Variants in ZNF600 observed in about 807,000 individuals in gnomAD.
ZNF600 encodes the protein zinc finger protein KR-ZNF1.
A neutral mutation model predicts 7.3 loss-of-function variants in ZNF600; 4 were observed. The ratio of observed to expected loss-of-function variants is 0.55; its 90% confidence interval spans 0.27 to 1.25. ZNF600 has a LOEUF of 1.25. Ranked by LOEUF, ZNF600 falls within the 50% of genes most tolerant of loss-of-function variation. The pLI is 0.12. For synonymous variants in ZNF600, 290 were observed against 308.9 expected, an observed-to-expected ratio of 0.94 and a Z score of 0.64; for missense variants, 911 against 922.1, an observed-to-expected ratio of 0.99 and a Z score of 0.16.
the ZNF600 span, among the ~76,000 whole-genome samples, chr19:52,803,831 T>C: frequency 6.6e-6 from 1 of 151,904 alleles, no homozygotes. Flanking sequence ...TGGTGGAGGG[T>C]GCCTGTAATC....
At chr19:52,819,398 CT>C in the ZNF600 span, among the ~76,000 whole-genome samples, 102 of 135,646 alleles carry the variant, frequency 7.5e-4, 15 homozygotes, top group African/African-American at 2.6e-3. Flanking sequence ...CATTCTATTG[CT>C]TTTTTTTTTC....
chr19:52,799,145 T>A, the ZNF600 span: 7 of 407,850 alleles, frequency 1.7e-5, no homozygotes, highest in East Asian at 3.6e-4. Context: ...TTGCAAGGTG[T>A]GACTGTTGAT....
rs1226396025 is a variant in ZNF600, at chr19:52,765,873, T to C, written c.2090A>G (p.His697Arg). 1.9e-6 allele frequency: 3 copies of C among 1,614,052 alleles called. No homozygotes were observed. Among genetic ancestry groups the C allele is most frequent in the South Asian group, 2.2e-5 (2 of 91,076 alleles). Residue 697 changes from histidine (H) to arginine (R), a missense_variant, in exon 4 of 4, where the codon CAT becomes CGT. His to Arg is a conservative substitution (Grantham distance 29). Transcript: ENST00000648973. Reference sequence around the variant, plus strand: ...TTTCTCCCCAGCATGAATTCTATGATGAAGTGAAAGTTGTGATTGTTGATT... The same window carrying C: ...TTTCTCCCCAGCATGAATTCTATGACGAAGTGAAAGTTGTGATTGTTGATT...
chr19:52,809,030 G>A, the ZNF600 span, among the ~76,000 whole-genome samples: 1 of 152,150 alleles, frequency 6.6e-6, no homozygotes, highest in Non-Finnish European at 1.5e-5. Flanking sequence ...GTGTGCATGT[G>A]TGTGGGGATA....
chr19:52,831,465 A>G, the ZNF600 span, among the ~76,000 whole-genome samples: 2 of 151,214 alleles, frequency 1.3e-5, no homozygotes, highest in East Asian at 1.9e-4. Context: ...GCCTGCCACC[A>G]GGCCTGGCTA....
chr19:52,790,612 C>T (rs1291412144), upstream of ZNF600, among the ~76,000 whole-genome samples: 3 of 151,648 alleles, frequency 2.0e-5, no homozygotes, highest in Non-Finnish European at 4.4e-5. Context: ...TTTCAGGCTG[C>T]TGTAAACTCT....
In ZNF600 at chr19:52,778,538, C is replaced by G. The variant is rs539663358; in HGVS notation, c.63+288G>C. Among the ~76,000 whole-genome samples the G allele has an allele frequency of 9.9e-5, 15 of 152,276 alleles. No individual in the cohort carries two copies. The East Asian group carries it at 2.5e-3, about 25-fold the overall frequency. On this transcript the variant is annotated intron_variant, in intron 2 of 3. Coordinates refer to ENST00000648973, the Ensembl canonical transcript of ZNF600. The stretch of plus-strand genomic sequence containing the variant: ...CAGATGTGGCCCCTGAACAATCCAG[C>G]CTGCCCAGCAGCACTGACATCAATG...
At chr19:52,817,834 A>G in the ZNF600 span, 2 of 1,575,116 alleles carry the variant, frequency 1.3e-6, no homozygotes, top group Non-Finnish European at 1.7e-6. Context: ...GGTGAGGGTG[A>G]GCAAACATAT....
At chr19:52,771,639 A>G (rs2062631172) in intron 3 of ZNF600, among the ~76,000 whole-genome samples, 2 of 152,124 alleles carry the variant, frequency 1.3e-5, no homozygotes, top group African/African-American at 2.4e-5. Context: ...CAACACACCC[A>G]GCTAATTTTT....
upstream of ZNF600, among the ~76,000 whole-genome samples, chr19:52,790,040 A>G (rs185904105): frequency 6.6e-6 from 1 of 152,276 alleles, no homozygotes; most frequent in East Asian, 1.9e-4. Context: ...TTCACAAGGT[A>G]ATGTCATCAC....
the ZNF600 span, among the ~76,000 whole-genome samples, chr19:52,792,387 T>C: frequency 4.6e-5 from 7 of 152,012 alleles, no homozygotes; most frequent in Admixed American, 2.6e-4. Context: ...CTCCCTGACA[T>C]AGATGCATGT....
intron 3 of ZNF600, among the ~76,000 whole-genome samples, chr19:52,770,689 C>T (rs143026858): frequency 7.2e-4 from 110 of 152,224 alleles, no homozygotes; most frequent in African/African-American, 2.5e-3. Flanking sequence ...TGTTCCCTGG[C>T]CCGAATGTTC....
intron 1 of ZNF600, among the ~76,000 whole-genome samples, chr19:52,785,302 C>T (rs1000750030): frequency 1.3e-5 from 2 of 151,442 alleles, no homozygotes; most frequent in African/African-American, 4.9e-5. Context: ...GGCTGGAGTG[C>T]ACCGGTGCGA....
the ZNF600 span, among the ~76,000 whole-genome samples, chr19:52,811,607 G>T: frequency 1.4e-4 from 20 of 145,042 alleles, no homozygotes; most frequent in Middle Eastern, 3.7e-3. Flanking sequence ...GGTGAGGAGC[G>T]TCTCTGCCCG....
At chr19:52,828,894 CCT>C in the ZNF600 span, among the ~76,000 whole-genome samples, 18 of 152,200 alleles carry the variant, frequency 1.2e-4, no homozygotes, top group East Asian at 5.8e-4. Context: ...GGGGTCTCCC[CCT>C]GTCACCCAGG....
At chr19:52,788,787 G>C (rs1188241573), upstream of ZNF600, among the ~76,000 whole-genome samples, 5 of 152,190 alleles carry the variant, frequency 3.3e-5, no homozygotes, top group South Asian at 6.2e-4. Flanking sequence ...CAATGCTGGA[G>C]ACAGATGAGA....
the ZNF600 span, chr19:52,801,036 G>T: frequency 2.5e-6 from 4 of 1,613,980 alleles, no homozygotes; most frequent in Non-Finnish European, 3.4e-6. Context: ...ACACTTGTAA[G>T]GTTTCTCATC....
At chr19:52,799,795 C>T in the ZNF600 span, 3 of 1,607,770 alleles carry the variant, frequency 1.9e-6, no homozygotes, top group Admixed American at 1.7e-5. Context: ...CCAGTATGAA[C>T]TCTCTGATGC....
At chr19:52,807,775 T>A in the ZNF600 span, 5 of 733,032 alleles carry the variant, frequency 6.8e-6, no homozygotes, top group South Asian at 8.0e-5. Flanking sequence ...ACGACCAGGC[T>A]GCCATAAAGT....
Sources: gnomAD v4.1 joint callset for allele counts (sites outside exome capture counted in the v4.1 genomes callset) on GRCh38, gnomAD v4.1.1 for gene constraint, MANE v1.5 for transcripts, NCBI Gene and HGNC (gene_info 2026-07-23, HGNC 2026-07-21) for gene names.